Variants in GALNT18 observed in about 807,000 individuals in gnomAD.
The protein encoded by GALNT18 is polypeptide N-acetylgalactosaminyltransferase 18.
In GALNT18, 44 loss-of-function variants were observed where a neutral mutation model predicts 69.5. That is an observed-to-expected ratio of 0.63 (90% confidence interval 0.50 to 0.81). The LOEUF is 0.81. Among genes scored for constraint, GALNT18 ranks in the 40% least tolerant of loss-of-function variants. GALNT18 has a pLI of 0.00. For missense variants in GALNT18, 715 were observed against 810.0 expected, an observed-to-expected ratio of 0.88 and a Z score of 1.42; for synonymous variants, 364 against 318.2, an observed-to-expected ratio of 1.14 and a Z score of -1.53.
chr11:11,429,581 C>T (rs1276080305), intron 3 of GALNT18, among the ~76,000 whole-genome samples: 2 of 152,122 alleles, frequency 1.3e-5, no homozygotes, highest in African/African-American at 4.8e-5. Context: ...ATGATGTGAC[C>T]ACTGCAGGCA....
chr11:11,384,754 C>G (rs948752090), intron 3 of GALNT18, among the ~76,000 whole-genome samples: 4 of 152,126 alleles, frequency 2.6e-5, no homozygotes, highest in Non-Finnish European at 5.9e-5. Flanking sequence ...GATCTCAGAC[C>G]CCCAGCCTCT....
In GALNT18 at chr11:11,616,289, C is replaced by T. The variant is rs987258235; in HGVS notation, c.235+5070G>A. Among the ~76,000 whole-genome samples, 4 of 152,164 alleles carry T rather than the reference C, an allele frequency of 2.6e-5. No homozygotes were observed. Among genetic ancestry groups the T allele is most frequent in the South Asian group, 2.1e-4 (1 of 4,812 alleles). ...GCATTTGACAGGGATTACATTTACT[C>T]GGAAAAATTTGAATGATAACACCCA... is the stretch of plus-strand genomic sequence containing the variant. On this transcript the variant is annotated intron_variant, in intron 1 of 10. Coordinates refer to ENST00000227756, the MANE Select transcript of GALNT18 (RefSeq NM_198516.3). This position sits in a 1 kb window ranked among gnomAD's most constrained non-coding sequence, Gnocchi z 4.4.
At position 11,341,388 on chromosome 11, in the gene GALNT18, T is replaced by C. The variant is rs1464595409; in HGVS notation, c.1093-384A>G. ...TGATAGTCTGCAGCAGTGGTTGACA[T>C]AAAGGAGAACCAGCAAGACTCCCAG... On this transcript the variant is annotated intron_variant, in intron 6 of 10. Transcript: ENST00000227756. This position sits in a 1 kb window ranked among gnomAD's most constrained non-coding sequence, Gnocchi z 6.3. 6.6e-6 allele frequency among the ~76,000 whole-genome samples: 1 copy of C among 152,022 alleles called. No homozygotes were observed.
chr11:11,439,704 T>C lies in GALNT18; in HGVS notation c.429-6917A>G, dbSNP rs573577143. On this transcript the variant is annotated intron_variant, in intron 2 of 10. Coordinates refer to ENST00000227756, the MANE Select transcript of GALNT18 (RefSeq NM_198516.3). This position sits in a 1 kb window ranked among gnomAD's most constrained non-coding sequence, Gnocchi z 4.4. ...TAGAAATTCAGAATGCACCTGGTGA[T>C]GGGCTGAGTGAACACATGAATAAAT... Among the ~76,000 whole-genome samples, 1 of 152,320 alleles carries C rather than the reference T, an allele frequency of 6.6e-6. No homozygotes were observed. The highest frequency in any genetic ancestry group is 2.1e-4 in the South Asian group (1 of 4,824).
intron 1 of GALNT18, among the ~76,000 whole-genome samples, chr11:11,581,096 G>A (rs1232092170): frequency 6.6e-6 from 1 of 152,226 alleles, no homozygotes; most frequent in Non-Finnish European, 1.5e-5. Context: ...GGTGTCCCGA[G>A]AGAAGCCGGC....
intron 1 of GALNT18, among the ~76,000 whole-genome samples, chr11:11,484,769 C>T (rs1398348722): frequency 6.6e-6 from 1 of 152,066 alleles, no homozygotes; most frequent in Non-Finnish European, 1.5e-5. Context: ...TATGGGGGGA[C>T]CTTAGCAGCC....
At chr11:11,464,340 G>C (rs1248581355) in intron 1 of GALNT18, among the ~76,000 whole-genome samples, 1 of 152,192 alleles carries the variant, frequency 6.6e-6, no homozygotes, top group African/African-American at 2.4e-5. Flanking sequence ...TCAGATCTAA[G>C]GAGGACTCTG....
intron 1 of GALNT18, among the ~76,000 whole-genome samples, chr11:11,547,539 C>A (rs1384482760): frequency 6.6e-6 from 1 of 152,204 alleles, no homozygotes; most frequent in Non-Finnish European, 1.5e-5. Flanking sequence ...AGGAAGGCAG[C>A]CCCGGTCATC....
At position 11,543,890 on chromosome 11, in the gene GALNT18, G is replaced by A. The variant is rs1187573948; in HGVS notation, c.235+77469C>T. ...ATTTGCTCTTCCTCACACAGGAAAGGCCTTTCCTAAGTGACTTCCTCACTC... is the reference window on the plus strand; with the variant it reads ...ATTTGCTCTTCCTCACACAGGAAAGACCTTTCCTAAGTGACTTCCTCACTC... On this transcript the variant is annotated intron_variant, in intron 1 of 10. Coordinates refer to ENST00000227756, the MANE Select transcript of GALNT18 (RefSeq NM_198516.3). The surrounding 1 kb of genome is among the most constrained non-coding windows in gnomAD (Gnocchi z 5.1). Among the ~76,000 whole-genome samples the A allele has an allele frequency of 4.6e-5, 7 of 152,160 alleles. No homozygotes were observed. In the South Asian group the frequency reaches 1.2e-3, roughly 27 times the overall value.
Position 11,404,162 on chromosome 11 carries a change from G to A in GALNT18, c.596-24898C>T, listed in dbSNP as rs988310246. 1.3e-5 allele frequency among the ~76,000 whole-genome samples: 2 copies of A among 152,208 alleles called. No individual in the cohort carries two copies. The highest frequency in any genetic ancestry group is 2.1e-4 in the South Asian group (1 of 4,832). On this transcript the variant is annotated intron_variant, in intron 3 of 10. Transcript: ENST00000227756. The surrounding 1 kb of genome is among the most constrained non-coding windows in gnomAD (Gnocchi z 4.5). ...CCCCATGAAACGGGCTTTCTCTTCC[G>A]TAAAGGAGTGAGTGTCTAGGGGAGT...
intron 1 of GALNT18, among the ~76,000 whole-genome samples, chr11:11,552,381 T>C (rs1353423827): frequency 6.6e-6 from 1 of 152,246 alleles, no homozygotes; most frequent in Non-Finnish European, 1.5e-5. Context: ...ATCAAAGTTA[T>C]CTTTGAGCCT....
intron 1 of GALNT18, among the ~76,000 whole-genome samples, chr11:11,611,284 G>T (rs1859894234): frequency 6.6e-6 from 1 of 152,134 alleles, no homozygotes. Context: ...TACAGCAATT[G>T]TTTCTTCCTT....
intron 10 of GALNT18, among the ~76,000 whole-genome samples, chr11:11,289,242 ATATT>A (rs1849254044): frequency 1.3e-5 from 2 of 148,320 alleles, no homozygotes; most frequent in South Asian, 4.2e-4. Flanking sequence ...ACTTCCACAT[ATATT>A]AATTATTAAA....
At chr11:11,466,673 T>A (rs1856162443) in intron 1 of GALNT18, among the ~76,000 whole-genome samples, 1 of 152,198 alleles carries the variant, frequency 6.6e-6, no homozygotes, top group African/African-American at 2.4e-5. Context: ...CCAAAGAAGG[T>A]GCTTTGAACC....
chr11:11,434,214 G>A (rs529157288), intron 2 of GALNT18, among the ~76,000 whole-genome samples: 1 of 152,230 alleles, frequency 6.6e-6, no homozygotes, highest in East Asian at 1.9e-4. Flanking sequence ...TCTATTTCCA[G>A]CTCTCCTTCT....
chr11:11,282,050 C>T (rs1412796986), intron 10 of GALNT18, among the ~76,000 whole-genome samples: 1 of 152,000 alleles, frequency 6.6e-6, no homozygotes, highest in African/African-American at 2.4e-5. Context: ...TGGAGCTCTT[C>T]AACAAAAATT....
At chr11:11,498,415 A>G (rs949712362) in intron 1 of GALNT18, among the ~76,000 whole-genome samples, 2 of 152,252 alleles carry the variant, frequency 1.3e-5, no homozygotes, top group Non-Finnish European at 2.9e-5. Context: ...TATGGGTTCC[A>G]TGCCAGCTAT....
chr11:11,350,579 A>C (rs1850382529), intron 6 of GALNT18, among the ~76,000 whole-genome samples: 1 of 152,212 alleles, frequency 6.6e-6, no homozygotes, highest in Non-Finnish European at 1.5e-5. Flanking sequence ...GGTGTGGCAG[A>C]GACCCCTATT....
intron 3 of GALNT18, among the ~76,000 whole-genome samples, chr11:11,418,212 G>A (rs1160290611): frequency 1.3e-5 from 2 of 152,184 alleles, no homozygotes; most frequent in Admixed American, 6.5e-5. Context: ...ACAGCATCGG[G>A]TGAGGCTTTG....
Sources: gnomAD v4.1 joint callset for allele counts (sites outside exome capture counted in the v4.1 genomes callset) on GRCh38, gnomAD v4.1.1 for gene constraint, Gnocchi (gnomAD v3.1) non-coding constraint, MANE v1.5 for transcripts, NCBI Gene and HGNC (gene_info 2026-07-23, HGNC 2026-07-21) for gene names.